The following KIAA0319L variants were observed in gnomAD, a reference collection of about 807,000 sequenced individuals.
KIAA0319L encodes KIAA0319 like.
A neutral mutation model predicts 120.1 loss-of-function variants in KIAA0319L; 55 were observed. The observed-to-expected ratio is 0.46, with a 90% CI of 0.37 to 0.57. KIAA0319L has a LOEUF of 0.57. Among genes scored for constraint, KIAA0319L ranks in the 20% least tolerant of loss-of-function variants. The pLI, the probability that KIAA0319L is intolerant of heterozygous loss-of-function variation, is 0.00. For synonymous variants in KIAA0319L, 398 were observed against 471.9 expected (o/e 0.84, Z 2.03); for missense variants, 1,049 against 1,255.3 (o/e 0.84, Z 2.48).
chr1:35,472,986 G>A (rs1643718531), intron 5 of KIAA0319L, among the ~76,000 whole-genome samples: 1 of 150,364 alleles, frequency 6.7e-6, no homozygotes, highest in African/African-American at 2.5e-5. Flanking sequence ...TCACCATGCT[G>A]GCCAGGCTGG....
At chr1:35,436,096 AATC>A (rs1422807964) in intron 20 of KIAA0319L, among the ~76,000 whole-genome samples, 1 of 152,090 alleles carries the variant, frequency 6.6e-6, no homozygotes, top group East Asian at 1.9e-4. Flanking sequence ...ATCATCCAAT[AATC>A]ATTCTCCCTT....
At chr1:35,499,611 G>C (rs1234842624) in intron 3 of KIAA0319L, among the ~76,000 whole-genome samples, 3 of 151,838 alleles carry the variant, frequency 2.0e-5, no homozygotes, top group Admixed American at 2.0e-4. Context: ...GCCAATAAAC[G>C]CAATTTCAAA....
chr1:35,496,548 T>G (rs993845373), intron 3 of KIAA0319L, among the ~76,000 whole-genome samples: 2 of 152,254 alleles, frequency 1.3e-5, no homozygotes, highest in African/African-American at 4.8e-5. Context: ...CGTCTTAATC[T>G]GTAATAACCA....
intron 9 of KIAA0319L, among the ~76,000 whole-genome samples, chr1:35,458,880 T>C (rs1334965239): frequency 6.6e-6 from 1 of 151,770 alleles, no homozygotes; most frequent in Non-Finnish European, 1.5e-5. Context: ...TTAAGCGACG[T>C]AGAAGGCTCC....
At chr1:35,524,949 CT>C (rs1247603641) in intron 2 of KIAA0319L, among the ~76,000 whole-genome samples, 1 of 152,124 alleles carries the variant, frequency 6.6e-6, no homozygotes, top group Non-Finnish European at 1.5e-5. Flanking sequence ...TTCCTTCTAT[CT>C]AGCTGTGTGT....
chr1:35,543,869 G>A (rs1646884853), intron 2 of KIAA0319L, among the ~76,000 whole-genome samples: 1 of 152,154 alleles, frequency 6.6e-6, no homozygotes, highest in Non-Finnish European at 1.5e-5. Flanking sequence ...TACAAAGCAT[G>A]GCAGTTAGGT....
rs962861379 is a variant in KIAA0319L, at chr1:35,473,080, C to CTTT, written c.1015+1722_1015+1724dup. 4.1e-3 allele frequency among the ~76,000 whole-genome samples: 371 copies of CTTT among 90,492 alleles called. 6 individuals are homozygous for CTTT. The highest frequency in any genetic ancestry group is 6.0e-3 in the African/African-American group (116 of 19,324). The allele number at this position is 90,492 out of a possible 152,430, so 59.4% of individuals were successfully genotyped here. A position where few individuals can be genotyped will look rare whatever the true frequency, so the allele number is the denominator to read the frequency against. On this transcript the variant is annotated intron_variant, in intron 5 of 20. Coordinates refer to ENST00000325722, the MANE Select transcript of KIAA0319L (RefSeq NM_024874.5). The stretch of plus-strand genomic sequence containing the variant: ...ACAGGCATGAGCCACTGCGCCCAGC[C>CTTT]TTTTTTTTTTTTTTTTTTTTTTTCT...
intron 3 of KIAA0319L, among the ~76,000 whole-genome samples, chr1:35,504,344 C>G (rs962368548): frequency 1.3e-5 from 2 of 152,008 alleles, no homozygotes; most frequent in South Asian, 2.1e-4. Flanking sequence ...CTACAGGCGC[C>G]TGCCACCACG....
chr1:35,523,613 T>C (rs889291660), intron 2 of KIAA0319L, among the ~76,000 whole-genome samples: 13 of 152,194 alleles, frequency 8.5e-5, no homozygotes, highest in African/African-American at 3.1e-4. Flanking sequence ...GAGTAATGAT[T>C]ACGGGTAGAA....
intron 4 of KIAA0319L, among the ~76,000 whole-genome samples, chr1:35,476,424 C>T (rs1643898636): frequency 6.6e-6 from 1 of 152,126 alleles, no homozygotes; most frequent in African/African-American, 2.4e-5. Flanking sequence ...TAGGCTAGTC[C>T]ACTCATATTT....
Position 35,470,945 on chromosome 1 carries a change from T to C in KIAA0319L, c.1031A>G (p.Tyr344Cys). The C allele has an allele frequency of 6.2e-7, 1 of 1,609,834 alleles. No homozygotes were observed. Among genetic ancestry groups the C allele is most frequent in the Non-Finnish European group, 8.5e-7 (1 of 1,176,076 alleles). ...QEPPKGETYT[Y>C]DWQLITHPRD... ...AGGATGAGTAATCAGCTGCCAGTCG[T>C]AGGTGTAGGTTTCTCCTATAGAAGG... Residue 344 changes from tyrosine to cysteine, a missense_variant, in exon 6 of 21, where the codon TAC becomes TGC. Coordinates refer to ENST00000325722, the MANE Select transcript of KIAA0319L (RefSeq NM_024874.5).
intron 20 of KIAA0319L, chr1:35,439,043 A>T (rs1641009681): frequency 6.6e-6 from 1 of 152,172 alleles, no homozygotes; most frequent in Non-Finnish European, 1.5e-5. Flanking sequence ...AAATCCCACC[A>T]TTCATCCCCT....
intron 3 of KIAA0319L, among the ~76,000 whole-genome samples, chr1:35,497,893 A>C (rs186678685): frequency 6.6e-6 from 1 of 152,228 alleles, no homozygotes; most frequent in East Asian, 1.9e-4. Context: ...GAACAGTGTG[A>C]CTATTTTAAA....
rs1397002075 is a variant in KIAA0319L, at chr1:35,444,254, T to C, written c.2563A>G (p.Lys855Glu). The change falls in exon 17 of 21, where the codon AAA (lysine) becomes GAA (glutamate). Residue 855 changes from lysine to glutamate, a missense_variant. Transcript: ENST00000325722. ...AGCATCGCTGCCACCTCATGGCCTT[T>C]GAAGATCTGGTGGGGAGGCTCGTTT... Reference protein sequence around the residue: ...VQNEPPHQIFKGHEVAAMLKS... With the variant: ...VQNEPPHQIFEGHEVAAMLKS... 1.2e-6 allele frequency: 2 copies of C among 1,609,108 alleles called. No individual in the cohort carries two copies. Among genetic ancestry groups the C allele is most frequent in the Admixed American group, 3.4e-5 (2 of 58,972 alleles).
chr1:35,443,566 G>C (rs1415990189), intron 17 of KIAA0319L, among the ~76,000 whole-genome samples: 1 of 152,058 alleles, frequency 6.6e-6, no homozygotes, highest in Non-Finnish European at 1.5e-5. Flanking sequence ...CAGCTATTTG[G>C]GAGGCTGAGG....
chr1:35,554,201 C>T (rs1207067085), intron 2 of KIAA0319L, 149 bp downstream of exon 2: 4 of 507,076 alleles, frequency 7.9e-6, no homozygotes, highest in East Asian at 3.3e-5. Flanking sequence ...ATAAACCCAA[C>T]AGACCTCAGT....
In KIAA0319L at chr1:35,444,214, C is replaced by T. The variant is rs758297310; in HGVS notation, c.2603G>A (p.Arg868Gln). The T allele has an allele frequency of 1.2e-5, 20 of 1,609,234 alleles. No individual in the cohort carries two copies. The highest frequency in any genetic ancestry group is 4.5e-5 in the East Asian group (2 of 44,622). ...EVAAMLKSEL[R>Q]KQKADFLIFR... ...TATCAAAAAGTCTGCCTTTTGCTTC[C>T]GCAGCTCACTCTTGAGCATCGCTGC... Residue 868 changes from arginine (R) to glutamine (Q), a missense_variant, in exon 17 of 21, where the codon CGG (arginine) becomes CAG (glutamine). Physicochemically the swap from Arg to Gln is conservative, Grantham distance 43 (BLOSUM62 1). Coordinates refer to ENST00000325722, the MANE Select transcript of KIAA0319L (RefSeq NM_024874.5).
chr1:35,504,145 C>G (rs1224163616), intron 3 of KIAA0319L, among the ~76,000 whole-genome samples: 1 of 151,482 alleles, frequency 6.6e-6, no homozygotes, highest in Non-Finnish European at 1.5e-5. Flanking sequence ...CTCAGCCTAC[C>G]CCAGTGCTGA....
chr1:35,448,224 A>ATTGTG lies in KIAA0319L; in HGVS notation c.2461_2462insCACAA (p.Val821AlafsTer57). ...TTGCACAATGATGTCGGAATCCAGC[A>ATTGTG]CCCCCAGGAGGACCCCAATCTGGCG... On this transcript the variant is annotated frameshift_variant, in exon 16 of 21. Coordinates refer to ENST00000325722, the MANE Select transcript of KIAA0319L (RefSeq NM_024874.5). LOFTEE classifies it high-confidence loss of function. 1 of 1,613,906 alleles carries ATTGTG rather than the reference A, an allele frequency of 6.2e-7. No homozygotes were observed. Among genetic ancestry groups the ATTGTG allele is most frequent in the Non-Finnish European group, 8.5e-7 (1 of 1,179,950 alleles).
Sources: gnomAD v4.1 joint callset for allele counts (sites outside exome capture counted in the v4.1 genomes callset) on GRCh38, gnomAD v4.1.1 for gene constraint, MANE v1.5 for transcripts, NCBI Gene and HGNC (gene_info 2026-07-23, HGNC 2026-07-21) for gene names.